Variants in UTS2 observed in about 807,000 individuals in gnomAD.
The protein encoded by UTS2 is urotensin 2.
A neutral mutation model predicts 12.6 loss-of-function variants in UTS2; 10 were observed. The ratio of observed to expected loss-of-function variants is 0.80; its 90% CI spans 0.49 to 1.35. The LOEUF is 1.35. Among genes scored for constraint, UTS2 ranks in the 40% most tolerant of loss-of-function variants. The pLI is 0.00. For synonymous variants in UTS2, 52 were observed against 50.0 expected (o/e 1.04, Z -0.17); for missense variants, 142 against 143.2 (o/e 0.99, Z 0.04).
chr1:7,910,014 G>A, the UTS2 span, among the ~76,000 whole-genome samples: 3 of 152,174 alleles, frequency 2.0e-5, no homozygotes, highest in African/African-American at 7.2e-5. Context: ...CCAGGAACTT[G>A]CCTTTTAAAA....
the UTS2 span, among the ~76,000 whole-genome samples, chr1:7,909,086 T>A: frequency 2.0e-5 from 3 of 152,168 alleles, no homozygotes; most frequent in African/African-American, 7.2e-5. Context: ...CCACCATGCC[T>A]GGCCTCAAAG....
Position 7,847,737 on chromosome 1 carries a change from T to G in UTS2, c.*29A>C. 3.9e-6 allele frequency: 6 copies of G among 1,532,894 alleles called. No individual in the cohort carries two copies. The highest frequency in any genetic ancestry group is 5.4e-6 in the Non-Finnish European group (6 of 1,114,458). The allele number at this position is 1,532,894 out of a possible 1,614,324, so 95.0% of individuals were successfully genotyped here. A position where few individuals can be genotyped will look rare whatever the true frequency, so the allele number is the denominator to read the frequency against. The stretch of plus-strand genomic sequence containing the variant: ...TTTCATATTCTAAGATGGGTGTTTC[T>G]GAGCTGACTAACAGATGCTTATTTC... On this transcript the variant is annotated 3_prime_UTR_variant, in exon 4 of 4. Coordinates refer to ENST00000361696, the MANE Select transcript of UTS2 (RefSeq NM_006786.4).
the UTS2 span, among the ~76,000 whole-genome samples, chr1:7,877,818 A>G: frequency 2.4e-4 from 37 of 152,216 alleles, no homozygotes; most frequent in African/African-American, 7.9e-4. Flanking sequence ...GGTTGTAGTG[A>G]GCTGAGATTG....
the UTS2 span, among the ~76,000 whole-genome samples, chr1:7,878,679 C>A: frequency 4.4e-4 from 66 of 151,426 alleles, 2 homozygotes; most frequent in East Asian, 8.8e-3. Flanking sequence ...GCCTGGGCAA[C>A]ATAGCAAGAC....
chr1:7,867,598 C>T, the UTS2 span, among the ~76,000 whole-genome samples: 141 of 152,264 alleles, frequency 9.3e-4, no homozygotes, highest in African/African-American at 3.2e-3. Context: ...ATCTGAAGAC[C>T]GGGCACAGTG....
chr1:7,861,030 AG>A, the UTS2 span, among the ~76,000 whole-genome samples: 1 of 141,532 alleles, frequency 7.1e-6, no homozygotes, highest in African/African-American at 2.6e-5. Flanking sequence ...TGACAGAGCA[AG>A]GCCTTATCTC....
chr1:7,862,616 G>A, the UTS2 span, among the ~76,000 whole-genome samples: 5 of 152,064 alleles, frequency 3.3e-5, no homozygotes, highest in Admixed American at 2.0e-4. Flanking sequence ...TGTTTGCAGA[G>A]ACCACATGGC....
At position 7,847,648 on chromosome 1, in the gene UTS2, A is replaced by G. The variant is rs2097409075; in HGVS notation, c.*118T>C. ...TAGAGGATTTATTTTCCAGGTAACA[A>G]TGAACAGGGTGTAGTTTGCCTAGTT... On this transcript the variant is annotated 3_prime_UTR_variant, in exon 4 of 4. Transcript: ENST00000361696. 9 of 761,118 alleles carry G rather than the reference A, an allele frequency of 1.2e-5. No homozygotes were observed. Among genetic ancestry groups the G allele is most frequent in the Non-Finnish European group, 2.0e-5 (9 of 455,192 alleles). 47.1% of individuals were successfully genotyped at this position (761,118 alleles called of 1,614,324 possible).
chr1:7,870,008 TG>T, the UTS2 span, among the ~76,000 whole-genome samples: 1 of 152,130 alleles, frequency 6.6e-6, no homozygotes, highest in Non-Finnish European at 1.5e-5. Flanking sequence ...GTGGGGAGAA[TG>T]GGTGCCGAGC....
the UTS2 span, among the ~76,000 whole-genome samples, chr1:7,893,279 G>A: frequency 6.6e-6 from 1 of 152,142 alleles, no homozygotes; most frequent in Non-Finnish European, 1.5e-5. Context: ...TTGAGAGGTA[G>A]ATCACTTGAG....
the UTS2 span, among the ~76,000 whole-genome samples, chr1:7,911,666 G>T: frequency 6.6e-6 from 1 of 152,094 alleles, no homozygotes; most frequent in African/African-American, 2.4e-5. Flanking sequence ...ACTTTGGGAG[G>T]CCTAGGCAGT....
At chr1:7,911,619 C>A in the UTS2 span, among the ~76,000 whole-genome samples, 5 of 152,072 alleles carry the variant, frequency 3.3e-5, no homozygotes, top group Admixed American at 3.3e-4. Flanking sequence ...TTAAGTATAT[C>A]AGGCCAGGCA....
the UTS2 span, among the ~76,000 whole-genome samples, chr1:7,887,776 AAAG>A: frequency 2.2e-3 from 339 of 151,954 alleles, 1 homozygote; most frequent in African/African-American, 7.7e-3. Context: ...AAAAAAAAAA[AAAG>A]ATTAAATCTT....
the UTS2 span, among the ~76,000 whole-genome samples, chr1:7,879,861 T>C: frequency 1.3e-5 from 2 of 151,798 alleles, no homozygotes; most frequent in African/African-American, 4.8e-5. Flanking sequence ...AATGCCTACA[T>C]CTAAAAAGAA....
the UTS2 span, among the ~76,000 whole-genome samples, chr1:7,896,511 TGAGG>T: frequency 6.6e-6 from 1 of 152,266 alleles, no homozygotes; most frequent in East Asian, 1.9e-4. Flanking sequence ...GAAATGTTCC[TGAGG>T]AAGTCTTTAA....
chr1:7,908,173 C>A, the UTS2 span, among the ~76,000 whole-genome samples: 1 of 152,010 alleles, frequency 6.6e-6, no homozygotes, highest in Non-Finnish European at 1.5e-5. Flanking sequence ...GTGGTATGCA[C>A]CTGTAATCCC....
the UTS2 span, among the ~76,000 whole-genome samples, chr1:7,870,353 C>A: frequency 6.6e-6 from 1 of 152,166 alleles, no homozygotes; most frequent in Non-Finnish European, 1.5e-5. Flanking sequence ...TTGTGGGGAA[C>A]CAGCCCTGCC....
the UTS2 span, among the ~76,000 whole-genome samples, chr1:7,907,370 G>A: frequency 1.3e-5 from 2 of 151,402 alleles, no homozygotes; most frequent in African/African-American, 4.9e-5. Context: ...GGTTATGCCA[G>A]GTACAATGAC....
the UTS2 span, among the ~76,000 whole-genome samples, chr1:7,875,817 G>C: frequency 6.6e-6 from 1 of 152,116 alleles, no homozygotes; most frequent in Non-Finnish European, 1.5e-5. Flanking sequence ...CAGTCCCTGA[G>C]CCTGGGGATG....
Sources: gnomAD v4.1 joint callset for allele counts (sites outside exome capture counted in the v4.1 genomes callset) on GRCh38, gnomAD v4.1.1 for gene constraint, MANE v1.5 for transcripts, NCBI Gene and HGNC (gene_info 2026-07-23, HGNC 2026-07-21) for gene names.